Variants in NEK10 observed in about 807,000 individuals in gnomAD.
NEK10 encodes NIMA related kinase 10.
NEK10 carries 122 observed loss-of-function variants against 159.8 expected under a neutral mutation model. That is an observed-to-expected ratio of 0.76 (90% CI 0.66 to 0.89). NEK10 has a LOEUF of 0.89. NEK10 is among the 40% of genes least tolerant of loss of function. The pLI, the probability that NEK10 is intolerant of heterozygous loss-of-function variation, is 0.00. For synonymous variants in NEK10, 466 were observed against 457.1 expected (o/e 1.02, Z -0.25); for missense variants, 1,342 against 1,323.1 (o/e 1.01, Z -0.22).
Position 27,282,537 on chromosome 3 carries a change from G to GA in NEK10, c.2014+2064_2014+2065insT, listed in dbSNP as rs2042237154. On this transcript the variant is annotated intron_variant, in intron 22 of 35. Coordinates refer to ENST00000691995, the MANE Select transcript of NEK10 (RefSeq NM_001394966.1). ...TTCTGTTGTATATATACATAAATGT[G>GA]TTATATATATATATATATATATACA... Among the ~76,000 whole-genome samples the GA allele has an allele frequency of 2.7e-5, 2 of 72,974 alleles. 1 individual carries two copies. Among genetic ancestry groups the GA allele is most frequent in the African/African-American group, 1.7e-4 (2 of 11,488 alleles). 47.9% of individuals were successfully genotyped at this position (72,974 alleles called of 152,430 possible).
chr3:27,183,407 AC>A (rs751044976), intron 26 of NEK10, among the ~76,000 whole-genome samples: 25 of 150,056 alleles, frequency 1.7e-4, no homozygotes, highest in African/African-American at 3.4e-4. Flanking sequence ...AAAAAAAAAA[AC>A]CAAAAAGTCA....
At chr3:27,234,266 C>T in intron 23 of NEK10, among the ~76,000 whole-genome samples, 1 of 147,682 alleles carries the variant, frequency 6.8e-6, no homozygotes, top group East Asian at 2.0e-4. Context: ...CTGGCCAGGA[C>T]AATCAAGCAA....
At chr3:27,139,123 C>T (rs933887372) in intron 31 of NEK10, among the ~76,000 whole-genome samples, 1 of 151,870 alleles carries the variant, frequency 6.6e-6, no homozygotes, top group East Asian at 1.9e-4. Flanking sequence ...ATTACAAGGT[C>T]GGATGAAGTC....
At chr3:27,230,729 G>C (rs971041383) in intron 23 of NEK10, among the ~76,000 whole-genome samples, 8 of 151,912 alleles carry the variant, frequency 5.3e-5, no homozygotes, top group Admixed American at 4.6e-4. Flanking sequence ...ATTCTTATAT[G>C]AGACAAAACA....
rs774471532 is a variant in NEK10, at chr3:27,251,526, C to A, written c.2090+4770G>T. Among the ~76,000 whole-genome samples the A allele has an allele frequency of 1.5e-4, 23 of 152,152 alleles. 1 individual carries two copies. The highest frequency in any genetic ancestry group is 5.6e-4 in the African/African-American group (23 of 41,434). ...GCTCCTGCTCTGGCCATGTGATATG[C>A]CTGCTCCCCCTTCACCTTCCACCAT... On this transcript the variant is annotated intron_variant, in intron 23 of 35. Transcript: ENST00000691995.
chr3:27,221,243 C>G (rs570209347), intron 23 of NEK10, among the ~76,000 whole-genome samples: 1 of 152,284 alleles, frequency 6.6e-6, no homozygotes, highest in East Asian at 1.9e-4. Flanking sequence ...GAAGAACACA[C>G]TTACAAATCA....
intron 5 of NEK10, among the ~76,000 whole-genome samples, chr3:27,342,204 C>G (rs2047246492): frequency 6.6e-6 from 1 of 152,024 alleles, no homozygotes; most frequent in African/African-American, 2.4e-5. Flanking sequence ...CAAATTGAAT[C>G]TAAGCCTTCA....
At chr3:27,271,147 T>C (rs2041312266) in intron 22 of NEK10, among the ~76,000 whole-genome samples, 1 of 140,076 alleles carries the variant, frequency 7.1e-6, no homozygotes, top group Non-Finnish European at 1.5e-5. Context: ...CATCTATCTA[T>C]CTTCTATCTA....
chr3:27,324,346 G>A (rs964378766), intron 5 of NEK10, among the ~76,000 whole-genome samples: 1 of 152,196 alleles, frequency 6.6e-6, no homozygotes, highest in Non-Finnish European at 1.5e-5. Context: ...TGGAGCAACA[G>A]AGCCCAGACT....
intron 5 of NEK10, among the ~76,000 whole-genome samples, chr3:27,342,814 A>G (rs542537835): frequency 1.1e-5 from 1 of 87,476 alleles, no homozygotes; most frequent in East Asian, 2.4e-4. Flanking sequence ...AGCTGGCTTT[A>G]AAAAAAAAAA....
At chr3:27,123,683 A>G (rs1522151) in intron 32 of NEK10, among the ~76,000 whole-genome samples, 59,574 of 151,890 alleles carry the variant, frequency 0.39, 12,945 homozygotes, top group East Asian at 0.75. Context: ...TTCTAAATGC[A>G]TTGAAAGACA....
intron 22 of NEK10, among the ~76,000 whole-genome samples, chr3:27,261,937 C>T (rs372235267): frequency 1.4e-4 from 21 of 152,086 alleles, no homozygotes; most frequent in Non-Finnish European, 2.8e-4. Context: ...TTTAGGATAG[C>T]TAGCTCTTCT....
chr3:27,297,950 C>T lies in NEK10; in HGVS notation c.1169-710G>A, dbSNP rs1268898249. ...GCTGAAGATTTTACATATATTCCCA[C>T]ATAATTCTCACAATGATCTTCTATC... On this transcript the variant is annotated intron_variant, in intron 13 of 35. Transcript: ENST00000691995. Among the ~76,000 whole-genome samples, 7 of 152,174 alleles carry T rather than the reference C, an allele frequency of 4.6e-5. No individual in the cohort carries two copies. The East Asian group carries it at 1.3e-3, about 29-fold the overall frequency.
At chr3:27,124,013 G>GTT (rs1559483462) in intron 32 of NEK10, among the ~76,000 whole-genome samples, 1 of 151,924 alleles carries the variant, frequency 6.6e-6, no homozygotes, top group Non-Finnish European at 1.5e-5. Context: ...GATTTTCTGT[G>GTT]TTGTGTGTGT....
intron 1 of NEK10, among the ~76,000 whole-genome samples, chr3:27,354,561 A>G (rs1196084501): frequency 6.6e-6 from 1 of 152,212 alleles, no homozygotes; most frequent in African/African-American, 2.4e-5. Context: ...AGCTTTGAGA[A>G]GTTGGGAATG....
intron 1 of NEK10, among the ~76,000 whole-genome samples, chr3:27,359,193 C>T (rs1349253665): frequency 1.3e-5 from 1 of 78,678 alleles, no homozygotes; most frequent in East Asian, 3.3e-4. Context: ...CAGAATGAAA[C>T]TCCATTTCAA....
intron 6 of NEK10, among the ~76,000 whole-genome samples, chr3:27,314,870 C>A (rs138934759): frequency 6.6e-6 from 1 of 152,300 alleles, no homozygotes; most frequent in African/African-American, 2.4e-5. Flanking sequence ...AATCACACTC[C>A]GTTTCAACAA....
At chr3:27,332,894 G>C (rs1182710803) in intron 5 of NEK10, among the ~76,000 whole-genome samples, 1 of 152,306 alleles carries the variant, frequency 6.6e-6, no homozygotes, top group East Asian at 1.9e-4. Flanking sequence ...GAGAAAAAAA[G>C]ATTGGAAGAC....
At chr3:27,159,448 C>T (rs1210824017) in intron 30 of NEK10, among the ~76,000 whole-genome samples, 1 of 152,050 alleles carries the variant, frequency 6.6e-6, no homozygotes, top group Admixed American at 6.6e-5. Context: ...AATTATAGTA[C>T]ATATAGTTCT....
Sources: gnomAD v4.1 joint callset for allele counts (sites outside exome capture counted in the v4.1 genomes callset) on GRCh38, gnomAD v4.1.1 for gene constraint, MANE v1.5 for transcripts, NCBI Gene and HGNC (gene_info 2026-07-23, HGNC 2026-07-21) for gene names.